Variants in ANK2 observed in about 807,000 individuals in gnomAD.
ANK2 encodes the protein ankyrin-2.
Under a neutral mutation model 360.5 loss-of-function variants are expected in ANK2, and 83 were observed. The observed-to-expected ratio is 0.23, with a 90% CI of 0.19 to 0.28. The LOEUF is 0.28. ANK2 is among the 10% of genes least tolerant of loss of function. The pLI, the probability that ANK2 is intolerant of heterozygous loss-of-function variation, is 1.00. For missense variants in ANK2, 4,201 were observed against 4,795.7 expected (o/e 0.88, Z 3.66); for synonymous variants, 1,740 against 1,759.5 (o/e 0.99, Z 0.28).
intron 41 of ANK2, 34 bp downstream of exon 41, chr4:113,365,216 TG>T: frequency 6.2e-7 from 1 of 1,600,342 alleles, no homozygotes. Context: ...TGTGTGTGTG[TG>T]TGTGTGTGTG....
At chr4:113,263,233 G>A (rs1467436727) in intron 13 of ANK2, among the ~76,000 whole-genome samples, 1 of 146,504 alleles carries the variant, frequency 6.8e-6, no homozygotes, top group Admixed American at 6.8e-5. Flanking sequence ...CATCTATTTA[G>A]AGACAGGTTT....
chr4:112,806,083 A>G, the ANK2 span, among the ~76,000 whole-genome samples: 5 of 152,116 alleles, frequency 3.3e-5, no homozygotes, highest in Non-Finnish European at 7.4e-5. Context: ...CCTCTCTTTT[A>G]GTTATTTAAA....
chr4:113,106,030 C>T lies in ANK2; in HGVS notation c.84+56218C>T, dbSNP rs145400355. 3.0e-4 allele frequency among the ~76,000 whole-genome samples: 46 copies of T among 152,148 alleles called. No individual in the cohort carries two copies. The East Asian group carries it at 4.3e-3, about 14-fold the overall frequency. On this transcript the variant is annotated intron_variant, in intron 1 of 45. Transcript: ENST00000357077. ...CTTTCTGTCAATTCCTATTTTTACT[C>T]AAAAAATTATATAGTATTTAAATTT...
rs150983192 is a variant in ANK2 at position 112,970,007 on chromosome 4, G to A, written c.21+65493G>A. Among the ~76,000 whole-genome samples the A allele has an allele frequency of 6.2e-3, 934 of 151,078 alleles. 15 individuals carry two copies. The highest frequency in any genetic ancestry group is 0.021 in the African/African-American group (883 of 41,170). ...TTTTATTATTTTTTTTTTTTGAGAC[G>A]GAGTCTCACTCTGTCGTCCAGGCTG... On this transcript the variant is annotated intron_variant, in intron 2 of 30. Coordinates refer to the ANK2 transcript ENST00000503271.
At chr4:113,098,101 T>TG (rs1007086599) in intron 1 of ANK2, among the ~76,000 whole-genome samples, 8 of 151,432 alleles carry the variant, frequency 5.3e-5, no homozygotes, top group African/African-American at 1.9e-4. Flanking sequence ...AATGAATTGT[T>TG]TGGAAAAGAA....
intron 2 of ANK2, among the ~76,000 whole-genome samples, chr4:112,908,839 C>G (rs1230445793): frequency 1.3e-5 from 2 of 152,176 alleles, no homozygotes; most frequent in Non-Finnish European, 2.9e-5. Flanking sequence ...GCCAGTGTCC[C>G]TGCCATCTTC....
At chr4:112,779,429 T>G in the ANK2 span, among the ~76,000 whole-genome samples, 1 of 151,908 alleles carries the variant, frequency 6.6e-6, no homozygotes, top group Non-Finnish European at 1.5e-5. Flanking sequence ...TGAGGCAGGA[T>G]AATGGCGTGA....
chr4:112,865,907 G>GT (rs551289274), intron 1 of ANK2, among the ~76,000 whole-genome samples: 281 of 152,060 alleles, frequency 1.8e-3, no homozygotes, highest in African/African-American at 5.3e-3. Context: ...TAAGTCCTCT[G>GT]TTTTTTTCTG....
intron 1 of ANK2, among the ~76,000 whole-genome samples, chr4:112,862,334 G>T (rs1489375228): frequency 1.3e-5 from 2 of 152,154 alleles, no homozygotes; most frequent in Admixed American, 6.5e-5. Flanking sequence ...ATTGCCCTTT[G>T]ATTTGATAAA....
intron 1 of ANK2, among the ~76,000 whole-genome samples, chr4:112,864,579 G>GGATT (rs1168732164): frequency 4.6e-5 from 7 of 151,914 alleles, no homozygotes; most frequent in Non-Finnish European, 1.0e-4. Flanking sequence ...CAAAGTGCTG[G>GGATT]GATTACAGGC....
At chr4:113,157,680 G>A (rs2097352538) in intron 1 of ANK2, among the ~76,000 whole-genome samples, 1 of 152,218 alleles carries the variant, frequency 6.6e-6, no homozygotes, top group Non-Finnish European at 1.5e-5. Context: ...TGTGACTGCA[G>A]TAGCTTCATC....
the ANK2 span, among the ~76,000 whole-genome samples, chr4:112,737,630 A>G: frequency 6.6e-6 from 1 of 152,140 alleles, no homozygotes; most frequent in African/African-American, 2.4e-5. Flanking sequence ...CATTGGTGCT[A>G]GTTGGTGGAG....
At chr4:113,193,296 A>C (rs549896850) in intron 2 of ANK2, among the ~76,000 whole-genome samples, 26 of 152,350 alleles carry the variant, frequency 1.7e-4, no homozygotes, top group Non-Finnish European at 3.4e-4. Context: ...TTGTTAAATC[A>C]GAAACCTGTG....
At chr4:113,104,435 T>C (rs34397491) in intron 1 of ANK2, among the ~76,000 whole-genome samples, 29,769 of 152,194 alleles carry the variant, frequency 0.2, 2,980 homozygotes, top group Non-Finnish European at 0.22. Context: ...TTGGGAGGGC[T>C]GGGCACAGTG....
chr4:113,127,427 G>A (rs560066085), intron 1 of ANK2, among the ~76,000 whole-genome samples: 1 of 151,518 alleles, frequency 6.6e-6, no homozygotes, highest in East Asian at 1.9e-4. Context: ...TACAGAGCTA[G>A]ATTAGGTATC....
At chr4:113,191,970 A>G (rs1415352234) in intron 2 of ANK2, among the ~76,000 whole-genome samples, 1 of 152,098 alleles carries the variant, frequency 6.6e-6, no homozygotes, top group Non-Finnish European at 1.5e-5. Flanking sequence ...GCTTCATCCC[A>G]TTGTCAGTCC....
chr4:113,342,595 G>A (rs2094424095), intron 33 of ANK2, among the ~76,000 whole-genome samples: 1 of 152,090 alleles, frequency 6.6e-6, no homozygotes, highest in Non-Finnish European at 1.5e-5. Context: ...AGCTACTCAG[G>A]AGGCAGAGGC....
At chr4:113,062,299 T>A (rs952358010) in intron 1 of ANK2, among the ~76,000 whole-genome samples, 4 of 152,134 alleles carry the variant, frequency 2.6e-5, no homozygotes, top group African/African-American at 9.6e-5. Context: ...TATGGCCTAA[T>A]CTATAATTTA....
chr4:113,076,973 A>G lies in ANK2; in HGVS notation c.84+27161A>G, dbSNP rs80042031. On this transcript the variant is annotated intron_variant, in intron 1 of 45. Transcript: ENST00000357077. ...GTTGGTGCTGGATGTTTTCTTAGCTACTTACCATTAAAGAAAGGAAAAAGA... is the reference window on the plus strand; with the variant it reads ...GTTGGTGCTGGATGTTTTCTTAGCTGCTTACCATTAAAGAAAGGAAAAAGA... Among the ~76,000 whole-genome samples, 1,177 of 152,054 alleles carry G rather than the reference A, an allele frequency of 7.7e-3. 37 individuals are homozygous for G. In the East Asian group the frequency reaches 0.097, roughly 13 times the overall value.
Sources: gnomAD v4.1 joint callset for allele counts (sites outside exome capture counted in the v4.1 genomes callset) on GRCh38, gnomAD v4.1.1 for gene constraint, MANE v1.5 for transcripts, NCBI Gene and HGNC (gene_info 2026-07-23, HGNC 2026-07-21) for gene names.